CPNE4: variants seen among roughly 807,000 people sequenced by gnomAD.
CPNE4 encodes the protein copine-4.
In CPNE4, 25 loss-of-function variants were observed where a neutral mutation model predicts 67.9. That is an observed-to-expected ratio of 0.37 (90% CI 0.27 to 0.51). CPNE4 has a LOEUF of 0.51. CPNE4 is among the 20% of genes least tolerant of loss of function. The pLI, the probability that CPNE4 is intolerant of heterozygous loss-of-function variation, is 0.93. For synonymous variants in CPNE4, 242 were observed against 244.9 expected (o/e 0.99, Z 0.11); for missense variants, 464 against 690.8 (o/e 0.67, Z 3.68).
intron 8 of CPNE4, among the ~76,000 whole-genome samples, chr3:131,582,079 G>A (rs1177264216): frequency 6.6e-6 from 1 of 152,218 alleles, no homozygotes; most frequent in African/African-American, 2.4e-5. Flanking sequence ...GTACAGGGAA[G>A]AAGAAATCTG....
intron 2 of CPNE4, among the ~76,000 whole-genome samples, chr3:131,800,730 T>C (rs1008808370): frequency 2.3e-4 from 35 of 152,138 alleles, no homozygotes; most frequent in Admixed American, 2.3e-3. Context: ...TGGCCTTAAT[T>C]CCATGGTGAA....
intron 7 of CPNE4, among the ~76,000 whole-genome samples, chr3:131,666,414 T>C (rs867232881): frequency 5.9e-5 from 9 of 152,130 alleles, no homozygotes; most frequent in South Asian, 2.1e-4. Context: ...TCTGCATCCA[T>C]AGAAATACAT....
At chr3:131,902,529 T>G (rs1274958301) in intron 2 of CPNE4, among the ~76,000 whole-genome samples, 1 of 152,032 alleles carries the variant, frequency 6.6e-6, no homozygotes, top group Admixed American at 6.6e-5. Flanking sequence ...GTGAAAAAAT[T>G]GATGAATTTA....
At chr3:131,546,084 C>CA (rs1393740481) in intron 14 of CPNE4, among the ~76,000 whole-genome samples, 3 of 151,768 alleles carry the variant, frequency 2.0e-5, no homozygotes, top group African/African-American at 2.4e-5. Flanking sequence ...ACCACACACA[C>CA]AAAAAAACAC....
intron 2 of CPNE4, among the ~76,000 whole-genome samples, chr3:131,809,771 C>T (rs1171958180): frequency 6.6e-6 from 1 of 151,910 alleles, no homozygotes; most frequent in Admixed American, 6.6e-5. Context: ...AAATGTAACA[C>T]AAAAAGGTAA....
intron 1 of CPNE4, among the ~76,000 whole-genome samples, chr3:131,979,435 A>G (rs562656726): frequency 1.3e-5 from 2 of 152,258 alleles, no homozygotes; most frequent in South Asian, 2.1e-4. Flanking sequence ...CCATTATGTA[A>G]TGTCCCTCTT....
chr3:131,637,467 C>T (rs2079419328), intron 7 of CPNE4, among the ~76,000 whole-genome samples: 3 of 152,064 alleles, frequency 2.0e-5, no homozygotes, highest in African/African-American at 7.2e-5. Flanking sequence ...ACAAGACTTT[C>T]AAATTAACCC....
At chr3:131,940,792 TTACAAG>T (rs2071362611) in intron 1 of CPNE4, among the ~76,000 whole-genome samples, 1 of 152,124 alleles carries the variant, frequency 6.6e-6, no homozygotes, top group South Asian at 2.1e-4. Flanking sequence ...GAACACACAA[TTACAAG>T]GTAGATGGAG....
At chr3:131,617,576 ATAGAAATGCTGATCTT>A (rs1940228100) in intron 7 of CPNE4, among the ~76,000 whole-genome samples, 1 of 152,220 alleles carries the variant, frequency 6.6e-6, no homozygotes, top group Admixed American at 6.5e-5. Flanking sequence ...AAAATTTTCA[ATAGAAATGCTGATCTT>A]TATCATAACC....
At chr3:131,593,518 C>A (rs1306164432) in intron 7 of CPNE4, among the ~76,000 whole-genome samples, 2 of 152,130 alleles carry the variant, frequency 1.3e-5, no homozygotes, top group African/African-American at 4.8e-5. Context: ...TTGTATCCTG[C>A]AACTTTATTT....
intron 1 of CPNE4, among the ~76,000 whole-genome samples, chr3:131,970,552 A>G (rs377006612): frequency 1.3e-5 from 2 of 152,324 alleles, no homozygotes; most frequent in South Asian, 2.1e-4. Flanking sequence ...TATAATTTAT[A>G]TAGTTTTTTT....
chr3:131,629,925 T>A (rs1239660300), intron 7 of CPNE4, among the ~76,000 whole-genome samples: 1 of 145,858 alleles, frequency 6.9e-6, no homozygotes, highest in Non-Finnish European at 1.5e-5. Flanking sequence ...TCTCTCCCCC[T>A]CTTTCCTTCT....
chr3:131,642,445 T>C (rs1363733827), intron 7 of CPNE4, among the ~76,000 whole-genome samples: 7 of 152,232 alleles, frequency 4.6e-5, no homozygotes, highest in Admixed American at 4.6e-4. Flanking sequence ...CTTGAAAAGT[T>C]ATTATCTTAC....
chr3:131,891,420 GT>G (rs58533568), intron 2 of CPNE4, among the ~76,000 whole-genome samples: 16,648 of 149,926 alleles, frequency 0.11, 1,025 homozygotes, highest in African/African-American at 0.16. Context: ...CAAGCTACGA[GT>G]TTTTTTTTTA....
chr3:131,911,702 G>T (rs1409808079), intron 1 of CPNE4, among the ~76,000 whole-genome samples: 3 of 151,956 alleles, frequency 2.0e-5, no homozygotes, highest in Non-Finnish European at 4.4e-5. Flanking sequence ...TTTCTAGAGG[G>T]ATAGGGTACA....
At chr3:131,769,062 T>C (rs1394714694) in intron 2 of CPNE4, among the ~76,000 whole-genome samples, 2 of 152,176 alleles carry the variant, frequency 1.3e-5, no homozygotes, top group African/African-American at 4.8e-5. Flanking sequence ...GGTTCATCCA[T>C]TCGTGCTGTC....
intron 1 of CPNE4, among the ~76,000 whole-genome samples, chr3:131,999,692 AT>A (rs1278169883): frequency 6.6e-6 from 1 of 152,060 alleles, no homozygotes; most frequent in Non-Finnish European, 1.5e-5. Flanking sequence ...AAAGCAATTG[AT>A]TTAAAATTTT....
chr3:131,570,349 A>C (rs1355329611), intron 10 of CPNE4, among the ~76,000 whole-genome samples: 1 of 150,596 alleles, frequency 6.6e-6, no homozygotes, highest in African/African-American at 2.5e-5. Flanking sequence ...AAAATTTTTT[A>C]TTATACTCTA....
chr3:131,913,029 A>C (rs367850626), intron 1 of CPNE4, among the ~76,000 whole-genome samples: 2 of 152,156 alleles, frequency 1.3e-5, no homozygotes, highest in Admixed American at 6.5e-5. Context: ...ACAGGGGATA[A>C]GAGTACAGAT....
Sources: gnomAD v4.1 joint callset for allele counts (sites outside exome capture counted in the v4.1 genomes callset) on GRCh38, gnomAD v4.1.1 for gene constraint, MANE v1.5 for transcripts, NCBI Gene and HGNC (gene_info 2026-07-23, HGNC 2026-07-21) for gene names.